The following ROBO2 variants were observed in gnomAD, a reference collection of about 807,000 sequenced individuals.
The protein encoded by ROBO2 is roundabout homolog 2.
In ROBO2, 53 loss-of-function variants were observed where a neutral mutation model predicts 160.8. The ratio of observed to expected loss-of-function variants is 0.33; its 90% CI spans 0.26 to 0.41. The LOEUF is 0.41. ROBO2 is among the 10% of genes least tolerant of loss of function. The probability of loss-of-function intolerance (pLI) is 1.00; values close to 1 mark genes in which losing one functional copy is unlikely to be tolerated. For missense variants in ROBO2, 1,577 were observed against 1,722.4 expected, an observed-to-expected ratio of 0.92 and a Z score of 1.49; for synonymous variants, 664 against 611.7, an observed-to-expected ratio of 1.09 and a Z score of -1.26.
chr3:76,342,651 G>T (rs1382736329), intron 2 of ROBO2, among the ~76,000 whole-genome samples: 1 of 152,006 alleles, frequency 6.6e-6, no homozygotes, highest in African/African-American at 2.4e-5. Context: ...ATAACAAAGG[G>T]CAATTATATG....
At chr3:77,289,305 G>T (rs1224774867) in intron 2 of ROBO2, among the ~76,000 whole-genome samples, 1 of 152,140 alleles carries the variant, frequency 6.6e-6, no homozygotes, top group Non-Finnish European at 1.5e-5. Context: ...GGTTAAATGG[G>T]TAAGCTGAGG....
intron 2 of ROBO2, among the ~76,000 whole-genome samples, chr3:76,308,483 C>G (rs559136697): frequency 7.9e-5 from 12 of 151,546 alleles, no homozygotes; most frequent in African/African-American, 2.7e-4. Context: ...ATGCAAAGTG[C>G]TTTGAACTTG....
intron 2 of ROBO2, among the ~76,000 whole-genome samples, chr3:77,141,887 C>G (rs773154268): frequency 1.6e-4 from 24 of 152,206 alleles, no homozygotes; most frequent in Admixed American, 3.3e-4. Context: ...CCATATTCCT[C>G]TAGCCGTGTG....
At chr3:76,513,771 T>G (rs181450520) in intron 2 of ROBO2, among the ~76,000 whole-genome samples, 5 of 152,310 alleles carry the variant, frequency 3.3e-5, no homozygotes, top group Admixed American at 1.3e-4. Context: ...TTTAAACAAC[T>G]ATCAGACTAT....
chr3:76,697,714 T>C lies in ROBO2; in HGVS notation c.110-400300T>C, dbSNP rs561685766. The stretch of plus-strand genomic sequence containing the variant: ...TAGACAATTGTATTAGATTGATCTG[T>C]ATAAAATTGGTAAAATTCCACTCTT... On this transcript the variant is annotated intron_variant, in intron 2 of 26. Coordinates refer to the ROBO2 transcript ENST00000487694. 7.2e-5 allele frequency among the ~76,000 whole-genome samples: 11 copies of C among 152,258 alleles called. No individual in the cohort carries two copies. The East Asian group carries it at 1.9e-3, about 27-fold the overall frequency.
intron 2 of ROBO2, among the ~76,000 whole-genome samples, chr3:76,996,139 G>C (rs2060989782): frequency 1.3e-5 from 2 of 152,144 alleles, no homozygotes; most frequent in South Asian, 4.1e-4. Flanking sequence ...TAAGGTGTAA[G>C]GAAGGGATCC....
intron 23 of ROBO2, among the ~76,000 whole-genome samples, chr3:77,627,322 C>G (rs2095049756): frequency 6.6e-6 from 1 of 152,082 alleles, no homozygotes; most frequent in Non-Finnish European, 1.5e-5. Flanking sequence ...CTCTGTCACC[C>G]AGGTTGGTGT....
chr3:76,514,875 A>G (rs933913880), intron 2 of ROBO2, among the ~76,000 whole-genome samples: 20 of 152,312 alleles, frequency 1.3e-4, no homozygotes, highest in African/African-American at 4.8e-4. Context: ...TCTTCTTTCC[A>G]TAATGTTGTT....
chr3:77,242,829 A>T (rs1484911784), intron 2 of ROBO2, among the ~76,000 whole-genome samples: 1 of 151,006 alleles, frequency 6.6e-6, no homozygotes, highest in Non-Finnish European at 1.5e-5. Context: ...CAAGTTGTAC[A>T]TTGTCTTTAT....
intron 2 of ROBO2, among the ~76,000 whole-genome samples, chr3:76,537,480 G>A (rs2108165766): frequency 6.6e-6 from 1 of 152,126 alleles, no homozygotes; most frequent in African/African-American, 2.4e-5. Context: ...GAAATTGAAG[G>A]AGAGAGAGAC....
chr3:76,715,586 C>T (rs1319107189), intron 2 of ROBO2, among the ~76,000 whole-genome samples: 1 of 152,050 alleles, frequency 6.6e-6, no homozygotes, highest in Non-Finnish European at 1.5e-5. Context: ...TGATGCAATG[C>T]GAGAATGCTA....
intron 2 of ROBO2, among the ~76,000 whole-genome samples, chr3:77,469,012 G>T (rs1049182233): frequency 2.0e-5 from 3 of 152,122 alleles, no homozygotes; most frequent in African/African-American, 7.2e-5. Flanking sequence ...CTATTTAACT[G>T]GTGGCTAGCC....
chr3:77,416,691 T>C (rs956526979), intron 2 of ROBO2, among the ~76,000 whole-genome samples: 10 of 123,770 alleles, frequency 8.1e-5, no homozygotes, highest in Non-Finnish European at 1.4e-4. Context: ...CACTCTAGCA[T>C]GGGTGACAGA....
intron 2 of ROBO2, among the ~76,000 whole-genome samples, chr3:76,714,191 G>A (rs778454891): frequency 9.9e-5 from 15 of 152,152 alleles, no homozygotes; most frequent in East Asian, 5.8e-4. Context: ...CATGTGCAGC[G>A]TATACATTTT....
At chr3:76,380,300 T>C (rs2076553287) in intron 2 of ROBO2, among the ~76,000 whole-genome samples, 1 of 152,192 alleles carries the variant, frequency 6.6e-6, no homozygotes, top group African/African-American at 2.4e-5. Flanking sequence ...CAAATATTTA[T>C]TGATAATGTA....
intron 2 of ROBO2, among the ~76,000 whole-genome samples, chr3:76,222,909 C>G (rs1575967121): frequency 6.6e-6 from 1 of 152,144 alleles, no homozygotes; most frequent in East Asian, 2.0e-4. Context: ...CACCTGCCAC[C>G]ATGCCCAGCT....
At chr3:76,831,580 G>A (rs2067099030) in intron 2 of ROBO2, among the ~76,000 whole-genome samples, 1 of 152,130 alleles carries the variant, frequency 6.6e-6, no homozygotes. Context: ...TTTTCCTCAT[G>A]ACTCAACTCG....
chr3:77,300,183 ATTTTT>A (rs199652959), intron 2 of ROBO2, among the ~76,000 whole-genome samples: 4 of 143,298 alleles, frequency 2.8e-5, no homozygotes, highest in Non-Finnish European at 4.6e-5. Context: ...AGGGAAATGA[ATTTTT>A]TTTTTTTTTT....
intron 2 of ROBO2, among the ~76,000 whole-genome samples, chr3:77,342,469 G>A (rs115606306): frequency 0.023 from 3,465 of 152,198 alleles, 165 homozygotes; most frequent in African/African-American, 0.078. Flanking sequence ...TTGTTGTAGA[G>A]AGAATTCTTC....
Sources: gnomAD v4.1 joint callset for allele counts (sites outside exome capture counted in the v4.1 genomes callset) on GRCh38, gnomAD v4.1.1 for gene constraint, MANE v1.5 for transcripts, NCBI Gene and HGNC (gene_info 2026-07-23, HGNC 2026-07-21) for gene names.